Variants in PTGER3 observed in about 807,000 individuals in gnomAD.
The protein encoded by PTGER3 is prostaglandin E2 receptor EP3 subtype.
A neutral mutation model predicts 34.7 loss-of-function variants in PTGER3; 22 were observed. The observed-to-expected ratio is 0.63, with a 90% CI of 0.45 to 0.91. The LOEUF (loss-of-function observed/expected upper bound fraction) is 0.91. Ranked by LOEUF, PTGER3 falls within the 40% of genes least tolerant of loss-of-function variation. The pLI is 0.00. For missense variants in PTGER3, 468 were observed against 519.4 expected (o/e 0.90, Z 0.96); for synonymous variants, 241 against 230.1 (o/e 1.05, Z -0.43).
At chr1:70,901,328 G>A (rs898111762) in intron 4 of PTGER3, among the ~76,000 whole-genome samples, 6 of 152,190 alleles carry the variant, frequency 3.9e-5, no homozygotes, top group Non-Finnish European at 8.8e-5. Context: ...GGTTGGATAT[G>A]AAGAACAGGA....
intron 4 of PTGER3, among the ~76,000 whole-genome samples, chr1:70,900,921 T>A (rs1646824312): frequency 1.3e-5 from 2 of 152,148 alleles, no homozygotes; most frequent in Non-Finnish European, 2.9e-5. Context: ...CAAGTATGTA[T>A]GATGGACCAG....
intron 1 of PTGER3, among the ~76,000 whole-genome samples, chr1:71,041,769 G>T (rs536888451): frequency 1.2e-4 from 19 of 152,248 alleles, no homozygotes; most frequent in African/African-American, 4.3e-4. Context: ...GTGTTGTGAG[G>T]CATGAATGAG....
At chr1:70,999,655 G>A (rs960826174) in intron 2 of PTGER3, among the ~76,000 whole-genome samples, 3 of 152,268 alleles carry the variant, frequency 2.0e-5, no homozygotes, top group South Asian at 2.1e-4. Flanking sequence ...CTGTAACTAG[G>A]AAGCACAAGT....
intron 1 of PTGER3, among the ~76,000 whole-genome samples, chr1:71,016,523 C>T (rs945344569): frequency 6.6e-6 from 1 of 152,052 alleles, no homozygotes; most frequent in Non-Finnish European, 1.5e-5. Flanking sequence ...TGTACACAGG[C>T]CAGGTGTGGT....
At chr1:70,946,616 C>G (rs969091904) in intron 4 of PTGER3, among the ~76,000 whole-genome samples, 2 of 152,108 alleles carry the variant, frequency 1.3e-5, no homozygotes, top group African/African-American at 4.8e-5. Flanking sequence ...TTAGTTAGTC[C>G]GTTGCTGTAA....
intron 4 of PTGER3, among the ~76,000 whole-genome samples, chr1:70,903,920 A>G (rs1246334181): frequency 1.3e-5 from 2 of 152,206 alleles, no homozygotes; most frequent in African/African-American, 2.4e-5. Flanking sequence ...TTTAAAGATT[A>G]GATGAGTGAT....
intron 2 of PTGER3, among the ~76,000 whole-genome samples, chr1:70,993,538 C>A (rs1482122669): frequency 6.6e-6 from 1 of 152,162 alleles, no homozygotes; most frequent in African/African-American, 2.4e-5. Context: ...AGCCCATTAA[C>A]AAAACTGAGG....
chr1:70,884,079 T>C, intron 4 of PTGER3: 1 of 400,482 alleles, frequency 2.5e-6, no homozygotes, highest in Non-Finnish European at 4.9e-6. Context: ...AGAGCAAGAC[T>C]CCATCTCAAA....
intron 3 of PTGER3, among the ~76,000 whole-genome samples, chr1:70,973,048 T>TGGAAACA: frequency 1.3e-5 from 2 of 152,074 alleles, no homozygotes; most frequent in East Asian, 1.9e-4. Context: ...GGAAACAAGT[T>TGGAAACA]ATCTCTCTTC....
intron 4 of PTGER3, among the ~76,000 whole-genome samples, chr1:70,889,414 CA>C (rs372750310): frequency 1.7e-3 from 111 of 63,608 alleles, no homozygotes; most frequent in East Asian, 5.6e-3. Context: ...GACTCCATCT[CA>C]AAAAAAAAAA....
chr1:70,931,031 A>T (rs1313590798), intron 4 of PTGER3, among the ~76,000 whole-genome samples: 1 of 152,224 alleles, frequency 6.6e-6, no homozygotes, highest in African/African-American at 2.4e-5. Flanking sequence ...CAAGCTAGTT[A>T]CTTCCTAGAT....
At chr1:70,930,805 T>C (rs1329977758) in intron 4 of PTGER3, among the ~76,000 whole-genome samples, 1 of 152,268 alleles carries the variant, frequency 6.6e-6, no homozygotes, top group Non-Finnish European at 1.5e-5. Context: ...GGGAGTACAA[T>C]TAAAGATGAG....
At chr1:70,938,169 G>C (rs1649415367) in intron 4 of PTGER3, among the ~76,000 whole-genome samples, 1 of 152,056 alleles carries the variant, frequency 6.6e-6, no homozygotes, top group Admixed American at 6.6e-5. Flanking sequence ...TCATGCTATA[G>C]AAATAAAAAT....
intron 3 of PTGER3, among the ~76,000 whole-genome samples, chr1:70,953,418 T>C (rs1650975288): frequency 6.6e-6 from 1 of 152,142 alleles, no homozygotes; most frequent in African/African-American, 2.4e-5. Context: ...TCTTCCCTTC[T>C]GTGTGCAGTG....
chr1:70,922,466 C>G (rs187801201), intron 4 of PTGER3, among the ~76,000 whole-genome samples: 1 of 152,266 alleles, frequency 6.6e-6, no homozygotes, highest in East Asian at 1.9e-4. Context: ...TCTTACTATA[C>G]AATTTCCTTG....
At chr1:71,041,027 T>C (rs1268923954) in intron 1 of PTGER3, among the ~76,000 whole-genome samples, 1 of 152,194 alleles carries the variant, frequency 6.6e-6, no homozygotes, top group Non-Finnish European at 1.5e-5. Context: ...TCCCATGTTG[T>C]ATGTATCTCA....
chr1:70,954,316 G>GACC (rs1271390403), intron 2 of PTGER3, among the ~76,000 whole-genome samples: 1 of 152,084 alleles, frequency 6.6e-6, no homozygotes, highest in African/African-American at 2.4e-5. Context: ...AGGTCTATTG[G>GACC]ACCAGTCTTT....
chr1:70,922,300 C>T (rs1647607598), intron 4 of PTGER3, among the ~76,000 whole-genome samples: 1 of 152,038 alleles, frequency 6.6e-6, no homozygotes, highest in Non-Finnish European at 1.5e-5. Context: ...GGTTGTTTAA[C>T]AAGAGGAAGG....
chr1:71,006,098 G>A (rs2744915), intron 2 of PTGER3: 370,703 of 897,962 alleles, frequency 0.41, 77,695 homozygotes, highest in East Asian at 0.67. Context: ...ATAGAACACT[G>A]GAACTTATTT....
Sources: allele counts gnomAD v4.1 joint callset (sites outside exome capture counted in the v4.1 genomes callset), GRCh38; gene constraint gnomAD v4.1.1; transcripts MANE v1.5; gene names NCBI Gene and HGNC (gene_info 2026-07-23, HGNC 2026-07-21).